FHOD3: variants seen among roughly 807,000 people sequenced by gnomAD.
FHOD3 encodes FH1/FH2 domain-containing protein 3.
In FHOD3, 90 loss-of-function variants were observed where a neutral mutation model predicts 173.0. That is an observed-to-expected ratio of 0.52 (90% CI 0.44 to 0.62). The LOEUF is 0.62. FHOD3 is among the 20% of genes least tolerant of loss of function. The pLI, the probability that FHOD3 is intolerant of heterozygous loss-of-function variation, is 0.00. For missense variants in FHOD3, 1,945 were observed against 2,034.7 expected, an observed-to-expected ratio of 0.96 and a Z score of 0.85; for synonymous variants, 828 against 823.0, an observed-to-expected ratio of 1.01 and a Z score of -0.10.
chr18:36,385,389 T>C (rs148761453), intron 3 of FHOD3, among the ~76,000 whole-genome samples: 191 of 152,250 alleles, frequency 1.3e-3, no homozygotes, highest in Middle Eastern at 6.8e-3. Context: ...TCTCTTCAAT[T>C]ATCCTGTTTT....
chr18:36,507,637 A>C (rs1599427402), intron 4 of FHOD3, among the ~76,000 whole-genome samples: 1 of 152,372 alleles, frequency 6.6e-6, no homozygotes, highest in Non-Finnish European at 1.5e-5. Flanking sequence ...ATTGTCTTCT[A>C]GAAGATGTCT....
At position 36,381,433 on chromosome 18, in the gene FHOD3, T is replaced by C. The variant is rs146381382; in HGVS notation, c.337+8689T>C. ...GGACACTGGTCTCTTGTTCTGGTTT[T>C]ACGTTGGGAAGTCCCTGGAAATGGG... is the stretch of plus-strand genomic sequence containing the variant. On this transcript the variant is annotated intron_variant, in intron 3 of 28. Coordinates refer to ENST00000590592, the MANE Select transcript of FHOD3 (RefSeq NM_001281740.3). Among the ~76,000 whole-genome samples the C allele has an allele frequency of 2.6e-3, 395 of 152,328 alleles. 3 individuals carry two copies. The highest frequency in any genetic ancestry group is 9.1e-3 in the African/African-American group (380 of 41,570).
intron 10 of FHOD3, among the ~76,000 whole-genome samples, chr18:36,644,811 A>G (rs888960926): frequency 4.6e-5 from 7 of 152,214 alleles, no homozygotes; most frequent in African/African-American, 1.7e-4. Context: ...CCAAGGTCAC[A>G]GGGCTCAAAA....
intron 10 of FHOD3, among the ~76,000 whole-genome samples, chr18:36,642,582 CAAAAAAAAAAAA>C (rs35920197): frequency 1.9e-4 from 12 of 61,822 alleles, no homozygotes; most frequent in Admixed American, 5.3e-4. Flanking sequence ...GACTCCGTCT[CAAAAAAAAAAAA>C]AAAAAAAAAA....
chr18:36,310,443 C>A (rs2092224905), intron 1 of FHOD3, among the ~76,000 whole-genome samples: 1 of 152,114 alleles, frequency 6.6e-6, no homozygotes, highest in South Asian at 2.1e-4. Flanking sequence ...CCCACCACTT[C>A]AGGAGGTTGA....
At chr18:36,412,907 A>G (rs1173317795) in intron 3 of FHOD3, among the ~76,000 whole-genome samples, 1 of 152,208 alleles carries the variant, frequency 6.6e-6, no homozygotes, top group Non-Finnish European at 1.5e-5. Context: ...CACAGAGGTC[A>G]TATTGTTGCT....
intron 14 of FHOD3, among the ~76,000 whole-genome samples, chr18:36,668,741 A>T (rs2037344692): frequency 6.6e-6 from 1 of 151,982 alleles, no homozygotes; most frequent in Non-Finnish European, 1.5e-5. Context: ...TCTTTACCCC[A>T]TGGGTTATTT....
chr18:36,559,279 GTGT>G (rs1356741621), intron 5 of FHOD3, among the ~76,000 whole-genome samples: 1 of 152,138 alleles, frequency 6.6e-6, no homozygotes, highest in African/African-American at 2.4e-5. Context: ...CTACTCAGTA[GTGT>G]TGTTTGTCCT....
chr18:36,550,795 G>A (rs559102317), intron 5 of FHOD3, among the ~76,000 whole-genome samples: 7 of 152,054 alleles, frequency 4.6e-5, no homozygotes, highest in African/African-American at 1.2e-4. Context: ...TTGTTAAACT[G>A]ACTTATTAGT....
intron 5 of FHOD3, among the ~76,000 whole-genome samples, chr18:36,544,192 G>A (rs1231549893): frequency 6.6e-6 from 1 of 152,130 alleles, no homozygotes; most frequent in African/African-American, 2.4e-5. Flanking sequence ...AGGGCTTCTG[G>A]GCAGACTGCC....
chr18:36,700,707 G>A (rs1411768776), intron 17 of FHOD3, among the ~76,000 whole-genome samples: 1 of 152,042 alleles, frequency 6.6e-6, no homozygotes, highest in Non-Finnish European at 1.5e-5. Context: ...AAATTATCGG[G>A]TGGCTCTCCA....
intron 27 of FHOD3, among the ~76,000 whole-genome samples, chr18:36,767,607 A>C (rs898954672): frequency 2.0e-5 from 3 of 152,224 alleles, no homozygotes; most frequent in Non-Finnish European, 4.4e-5. Context: ...GACGTGAGCC[A>C]CTGCACCCAG....
chr18:36,739,892 T>C (rs1015893599), intron 20 of FHOD3, among the ~76,000 whole-genome samples: 3 of 152,234 alleles, frequency 2.0e-5, no homozygotes, highest in African/African-American at 7.2e-5. Flanking sequence ...AATTATGACA[T>C]CTGTGTGTAT....
At chr18:36,396,437 T>C (rs1415924085) in intron 3 of FHOD3, among the ~76,000 whole-genome samples, 1 of 152,184 alleles carries the variant, frequency 6.6e-6, no homozygotes, top group Non-Finnish European at 1.5e-5. Flanking sequence ...TTCTTTTTGA[T>C]TTGAAAAAAT....
intron 10 of FHOD3, among the ~76,000 whole-genome samples, chr18:36,640,629 T>C (rs1197161009): frequency 6.6e-6 from 1 of 152,244 alleles, no homozygotes; most frequent in African/African-American, 2.4e-5. Context: ...TTTAAATGTC[T>C]GCATTTTATC....
At chr18:36,532,985 T>A (rs1380478250) in intron 5 of FHOD3, among the ~76,000 whole-genome samples, 1 of 152,220 alleles carries the variant, frequency 6.6e-6, no homozygotes, top group African/African-American at 2.4e-5. Context: ...GTGGCCTGCC[T>A]GCCTGGGCTT....
chr18:36,364,368 C>CTCA (rs2046785204), intron 2 of FHOD3, among the ~76,000 whole-genome samples: 1 of 152,182 alleles, frequency 6.6e-6, no homozygotes, highest in African/African-American at 2.4e-5. Context: ...TATCTCAGCC[C>CTCA]CTAGAAAGAA....
At chr18:36,320,346 C>T (rs535630359) in intron 1 of FHOD3, among the ~76,000 whole-genome samples, 5 of 152,244 alleles carry the variant, frequency 3.3e-5, no homozygotes, top group Admixed American at 2.6e-4. Flanking sequence ...TCAGAGAATA[C>T]TATAAACACC....
intron 5 of FHOD3, among the ~76,000 whole-genome samples, chr18:36,550,856 G>C (rs181934086): frequency 2.0e-5 from 3 of 151,930 alleles, no homozygotes; most frequent in South Asian, 2.1e-4. Flanking sequence ...TGATCATGTC[G>C]TCTGTGAATA....
Sources: gnomAD v4.1 joint callset for allele counts (sites outside exome capture counted in the v4.1 genomes callset) on GRCh38, gnomAD v4.1.1 for gene constraint, MANE v1.5 for transcripts, NCBI Gene and HGNC (gene_info 2026-07-23, HGNC 2026-07-21) for gene names.